Variants in ASPH observed in about 807,000 individuals in gnomAD.
ASPH encodes aspartate beta-hydroxylase.
A neutral mutation model predicts 118.4 loss-of-function variants in ASPH; 100 were observed. The ratio of observed to expected loss-of-function variants is 0.84; its 90% confidence interval spans 0.72 to 1.00. The LOEUF (loss-of-function observed/expected upper bound fraction) is 1.00. Among genes scored for constraint, ASPH ranks in the 50% least tolerant of loss-of-function variants. The pLI, the probability that ASPH is intolerant of heterozygous loss-of-function variation, is 0.00. For missense variants in ASPH, 920 were observed against 919.5 expected (o/e 1.00, Z -0.01); for synonymous variants, 315 against 325.6 (o/e 0.97, Z 0.35).
chr8:61,533,950 A>G lies in ASPH; in HGVS notation c.1765-7838T>C, dbSNP rs553566924. Among the ~76,000 whole-genome samples, 92 of 151,826 alleles carry G rather than the reference A, an allele frequency of 6.1e-4. 1 individual carries two copies. In the Middle Eastern group the frequency reaches 0.027, roughly 45 times the overall value. On this transcript the variant is annotated intron_variant, in intron 21 of 24. Transcript: ENST00000379454. Reference sequence around the variant, plus strand: ...TGCTCAGTTTGTTTAATCCTTCTTGACTCTTTATTTTTTTGAGACAGAGTT... The same window carrying G: ...TGCTCAGTTTGTTTAATCCTTCTTGGCTCTTTATTTTTTTGAGACAGAGTT...
chr8:61,593,256 C>G (rs1841668035), intron 14 of ASPH, among the ~76,000 whole-genome samples: 1 of 152,088 alleles, frequency 6.6e-6, no homozygotes, highest in Non-Finnish European at 1.5e-5. Flanking sequence ...GTGTTTGATC[C>G]AAAAATAGCC....
intron 14 of ASPH, among the ~76,000 whole-genome samples, chr8:61,616,168 C>A (rs1231014470): frequency 6.6e-6 from 1 of 152,100 alleles, no homozygotes; most frequent in Non-Finnish European, 1.5e-5. Context: ...GAAGCCGTTG[C>A]AATGATTTTC....
chr8:61,672,705 T>C (rs1263632040), intron 3 of ASPH, among the ~76,000 whole-genome samples: 2 of 152,196 alleles, frequency 1.3e-5, no homozygotes, highest in African/African-American at 4.8e-5. Flanking sequence ...CACAAACTAC[T>C]TAATATCTAA....
intron 21 of ASPH, among the ~76,000 whole-genome samples, chr8:61,545,251 C>T (rs1413451530): frequency 6.6e-6 from 1 of 152,256 alleles, no homozygotes; most frequent in Non-Finnish European, 1.5e-5. Flanking sequence ...GCTGCCTTCT[C>T]TTTTCCATCA....
intron 5 of ASPH, among the ~76,000 whole-genome samples, chr8:61,648,832 T>C (rs1020424401): frequency 1.1e-4 from 16 of 152,032 alleles, no homozygotes; most frequent in African/African-American, 3.6e-4. Context: ...CAATGGCAGA[T>C]ACAGGACCTG....
At chr8:61,581,445 T>C (rs1359468171) in intron 15 of ASPH, among the ~76,000 whole-genome samples, 2 of 152,216 alleles carry the variant, frequency 1.3e-5, no homozygotes, top group Non-Finnish European at 2.9e-5. Flanking sequence ...ATGAGGCCAA[T>C]GGGCTGTGCG....
chr8:61,612,528 C>A (rs951443839), intron 14 of ASPH, among the ~76,000 whole-genome samples: 6 of 152,024 alleles, frequency 3.9e-5, no homozygotes, highest in African/African-American at 1.4e-4. Context: ...CACACACCAC[C>A]ACCTGGCTAA....
intron 15 of ASPH, among the ~76,000 whole-genome samples, chr8:61,580,438 T>G (rs1837146708): frequency 6.6e-6 from 1 of 152,220 alleles, no homozygotes. Flanking sequence ...AATTCCTGAC[T>G]TCTGTGTACC....
chr8:61,598,582 G>T (rs1303514632), intron 14 of ASPH, among the ~76,000 whole-genome samples: 1 of 152,280 alleles, frequency 6.6e-6, no homozygotes, highest in South Asian at 2.1e-4. Context: ...GGACAGATCA[G>T]CTAGACAGAA....
At chr8:61,539,911 C>T (rs1315525433) in intron 21 of ASPH, among the ~76,000 whole-genome samples, 1 of 152,102 alleles carries the variant, frequency 6.6e-6, no homozygotes, top group African/African-American at 2.4e-5. Flanking sequence ...GAGCAAAACT[C>T]TTAAGCTTTA....
At chr8:61,645,699 C>T (rs1807578773) in intron 6 of ASPH, among the ~76,000 whole-genome samples, 1 of 152,124 alleles carries the variant, frequency 6.6e-6, no homozygotes. Context: ...ATATACAATT[C>T]TTTTGAAAAC....
At chr8:61,560,041 G>A (rs1829261922) in intron 18 of ASPH, among the ~76,000 whole-genome samples, 1 of 152,196 alleles carries the variant, frequency 6.6e-6, no homozygotes, top group South Asian at 2.1e-4. Flanking sequence ...AAGTTAATCA[G>A]AAGTTAAAAT....
chr8:61,712,590 G>A (rs1327123564), intron 1 of ASPH, among the ~76,000 whole-genome samples: 1 of 152,176 alleles, frequency 6.6e-6, no homozygotes. Context: ...TTAAAAGGCT[G>A]TAGATCCTCA....
At chr8:61,663,346 C>T in intron 3 of ASPH, 1 of 985,346 alleles carries the variant, frequency 1.0e-6, no homozygotes, top group Non-Finnish European at 1.2e-6. Context: ...GTTCACCAGG[C>T]CTAACCAGGC....
At chr8:61,584,123 G>A in intron 14 of ASPH, 94 bp from the exon 15 acceptor site, 1 of 757,504 alleles carries the variant, frequency 1.3e-6, no homozygotes, top group East Asian at 2.9e-5. Flanking sequence ...ACCTGATGCT[G>A]GTCTCCACCA....
intron 18 of ASPH, among the ~76,000 whole-genome samples, chr8:61,560,244 G>A (rs1829335783): frequency 6.6e-6 from 1 of 152,166 alleles, no homozygotes; most frequent in Admixed American, 6.5e-5. Flanking sequence ...GTAACACCTG[G>A]GCAGCTGCTA....
At chr8:61,582,249 A>T (rs1445874489) in intron 15 of ASPH, among the ~76,000 whole-genome samples, 3 of 152,232 alleles carry the variant, frequency 2.0e-5, no homozygotes, top group African/African-American at 7.2e-5. Context: ...AAGGAGCAAC[A>T]CTGCAGAATA....
Position 61,681,063 on chromosome 8 carries a change from TG to T in ASPH, c.254-28del, listed in dbSNP as rs777155875. The T allele has an allele frequency of 2.4e-4, 374 of 1,537,662 alleles. 1 individual carries two copies. The highest frequency in any genetic ancestry group is 5.3e-5 in the Non-Finnish European group (60 of 1,137,494). On this transcript the variant is annotated intron_variant, in intron 2 of 24. Transcript: ENST00000379454. Reference sequence around the variant, plus strand: ...TATAATAGGGCAGAAATGATGGATATGGGAATAAAAAAGAAAAGAAATTTAA... The same window carrying T: ...TATAATAGGGCAGAAATGATGGATATGGAATAAAAAAGAAAAGAAATTTAA...
rs562476969 is a variant in ASPH at position 61,501,562 on chromosome 8, T to C, written c.*1797A>G. The C allele has an allele frequency of 1.3e-5, 2 of 152,332 alleles. No homozygotes were observed. The highest frequency in any genetic ancestry group is 3.9e-4 in the East Asian group (2 of 5,188). The allele number at this position is 152,332 out of a possible 1,614,324, so 9.4% of individuals were successfully genotyped here. On this transcript the variant is annotated 3_prime_UTR_variant, in exon 25 of 25. Transcript: ENST00000379454. The stretch of plus-strand genomic sequence containing the variant: ...AACAAGTGACATGAATGTTACTACA[T>C]GAACATTGAATTGTATTGCCCTTGT...
Sources: allele counts gnomAD v4.1 joint callset (sites outside exome capture counted in the v4.1 genomes callset), GRCh38; gene constraint gnomAD v4.1.1; transcripts MANE v1.5; gene names NCBI Gene and HGNC (gene_info 2026-07-23, HGNC 2026-07-21).